ANO4: variants seen among roughly 807,000 people sequenced by gnomAD.
ANO4 encodes anoctamin 4.
Under a neutral mutation model 141.9 loss-of-function variants are expected in ANO4, and 69 were observed. That is an observed-to-expected ratio of 0.49 (90% CI 0.40 to 0.59). The LOEUF (loss-of-function observed/expected upper bound fraction) is 0.59, where lower values mean the gene tolerates loss of function less well. Among genes scored for constraint, ANO4 ranks in the 20% least tolerant of loss-of-function variants. The probability of loss-of-function intolerance (pLI) is 0.00; values close to 1 mark genes in which losing one functional copy is unlikely to be tolerated. For synonymous variants in ANO4, 350 were observed against 394.3 expected, an observed-to-expected ratio of 0.89 and a Z score of 1.33; for missense variants, 894 against 1,162.2, an observed-to-expected ratio of 0.77 and a Z score of 3.36.
chr12:100,910,781 G>C (rs888458919), intron 2 of ANO4, among the ~76,000 whole-genome samples: 2 of 152,098 alleles, frequency 1.3e-5, no homozygotes, highest in Admixed American at 1.3e-4. Context: ...CAATCCTAGA[G>C]AAGTGTCATT....
chr12:100,863,353 A>G (rs1186008161), intron 1 of ANO4, among the ~76,000 whole-genome samples: 1 of 152,210 alleles, frequency 6.6e-6, no homozygotes, highest in Non-Finnish European at 1.5e-5. Flanking sequence ...CCAGTTAGAC[A>G]TCTGTTAGAT....
chr12:101,105,585 T>G (rs1339269840), intron 22 of ANO4, among the ~76,000 whole-genome samples: 3 of 152,074 alleles, frequency 2.0e-5, no homozygotes, highest in African/African-American at 7.2e-5. Context: ...TTACTAGGTA[T>G]GCAAAAAGGC....
chr12:100,979,255 T>C (rs1022960346), intron 7 of ANO4, among the ~76,000 whole-genome samples: 2 of 152,172 alleles, frequency 1.3e-5, no homozygotes, highest in Non-Finnish European at 2.9e-5. Context: ...CAGTAATCTC[T>C]GTGACAGCAG....
chr12:100,824,856 G>A (rs2036246871), intron 1 of ANO4, among the ~76,000 whole-genome samples: 1 of 151,980 alleles, frequency 6.6e-6, no homozygotes, highest in African/African-American at 2.4e-5. Context: ...CAGTGACAAA[G>A]GAGCTATATT....
intron 14 of ANO4, among the ~76,000 whole-genome samples, chr12:101,054,535 T>C (rs2048018664): frequency 1.3e-5 from 2 of 152,264 alleles, no homozygotes; most frequent in Non-Finnish European, 2.9e-5. Flanking sequence ...AGTCTCGCTC[T>C]GTCCCCCAGG....
At chr12:100,767,402 G>A (rs1407521198) in intron 3 of ANO4, among the ~76,000 whole-genome samples, 1 of 152,110 alleles carries the variant, frequency 6.6e-6, no homozygotes, top group Non-Finnish European at 1.5e-5. Context: ...TTCCTTTAAA[G>A]GAAGTACTTT....
chr12:100,886,124 C>G (rs1459390686), intron 1 of ANO4, among the ~76,000 whole-genome samples: 1 of 152,196 alleles, frequency 6.6e-6, no homozygotes. Flanking sequence ...ACTTCCACTG[C>G]TCTGATCCAG....
chr12:100,855,971 G>T (rs1390566031), intron 1 of ANO4, among the ~76,000 whole-genome samples: 2 of 152,162 alleles, frequency 1.3e-5, no homozygotes, highest in Non-Finnish European at 2.9e-5. Flanking sequence ...GAATTTTATA[G>T]AAGAACTTGT....
At chr12:100,967,357 A>G (rs905297623) in intron 5 of ANO4, among the ~76,000 whole-genome samples, 27 of 152,180 alleles carry the variant, frequency 1.8e-4, no homozygotes, top group Admixed American at 9.2e-4. Context: ...AGACCTATCT[A>G]GAAACAGCGG....
chr12:101,011,593 C>T (rs1341890727), intron 8 of ANO4, among the ~76,000 whole-genome samples: 1 of 152,084 alleles, frequency 6.6e-6, no homozygotes, highest in Non-Finnish European at 1.5e-5. Flanking sequence ...AATTCCAACA[C>T]ATGGTGATGG....
intron 14 of ANO4, among the ~76,000 whole-genome samples, chr12:101,066,042 G>T (rs1305674391): frequency 2.0e-5 from 3 of 152,092 alleles, no homozygotes; most frequent in African/African-American, 7.2e-5. Context: ...GACAAAGAAA[G>T]AATTTGATAA....
intron 14 of ANO4, among the ~76,000 whole-genome samples, chr12:101,063,559 G>T (rs2048436697): frequency 6.6e-6 from 1 of 151,960 alleles, no homozygotes; most frequent in African/African-American, 2.4e-5. Context: ...TGTTATTGAG[G>T]TGATGTTGGC....
chr12:100,784,552 T>C (rs549591572), intron 3 of ANO4, among the ~76,000 whole-genome samples: 2 of 152,338 alleles, frequency 1.3e-5, no homozygotes, highest in African/African-American at 4.8e-5. Context: ...CTTTTGTAGC[T>C]GATTCTCTCG....
At chr12:100,764,174 T>G (rs2032985897) in intron 3 of ANO4, among the ~76,000 whole-genome samples, 1 of 152,226 alleles carries the variant, frequency 6.6e-6, no homozygotes, top group Admixed American at 6.5e-5. Flanking sequence ...TTAATAACAT[T>G]CAGCTTCTAT....
intron 2 of ANO4, among the ~76,000 whole-genome samples, chr12:100,918,270 T>C (rs628231): frequency 0.64 from 97,637 of 152,052 alleles, 31,777 homozygotes; most frequent in Middle Eastern, 0.76. Flanking sequence ...GAGGTTGCAG[T>C]AAGCTGTGTT....
chr12:100,890,802 A>G (rs560591195), intron 1 of ANO4, among the ~76,000 whole-genome samples: 1 of 152,320 alleles, frequency 6.6e-6, no homozygotes, highest in South Asian at 2.1e-4. Flanking sequence ...ATCATCACCC[A>G]GAGTCCATAG....
At chr12:100,806,524 GTTTTTTTTTTTTTTT>G (rs763949654) in intron 1 of ANO4, among the ~76,000 whole-genome samples, 34 of 59,868 alleles carry the variant, frequency 5.7e-4, no homozygotes, top group Non-Finnish European at 9.0e-4. Flanking sequence ...TTTTTGTTTC[GTTTTTTTTTTTTTTT>G]TTTTTTTTTT....
chr12:101,018,512 A>G (rs751988758), intron 8 of ANO4, among the ~76,000 whole-genome samples: 2 of 152,168 alleles, frequency 1.3e-5, no homozygotes, highest in Non-Finnish European at 2.9e-5. Flanking sequence ...GTTATCCCAA[A>G]GTCACATTTC....
chr12:100,990,593 C>T (rs935407414), intron 8 of ANO4, among the ~76,000 whole-genome samples: 1 of 152,172 alleles, frequency 6.6e-6, no homozygotes, highest in Admixed American at 6.5e-5. Flanking sequence ...TTGCCAGGCA[C>T]TGTCTGGGTA....
Sources: allele counts gnomAD v4.1 joint callset (sites outside exome capture counted in the v4.1 genomes callset), GRCh38; gene constraint gnomAD v4.1.1; transcripts MANE v1.5; gene names NCBI Gene and HGNC (gene_info 2026-07-23, HGNC 2026-07-21).